The following TMEM41A variants were observed in gnomAD, a reference collection of about 807,000 sequenced individuals.
TMEM41A encodes the protein transmembrane protein 41A.
In TMEM41A, 20 loss-of-function variants were observed where a neutral mutation model predicts 25.7. The ratio of observed to expected loss-of-function variants is 0.78; its 90% confidence interval spans 0.55 to 1.13. The LOEUF (loss-of-function observed/expected upper bound fraction) is 1.13. TMEM41A is among the 50% of genes most tolerant of loss of function. TMEM41A has a pLI of 0.00. For synonymous variants in TMEM41A, 133 were observed against 139.6 expected (o/e 0.95, Z 0.33); for missense variants, 299 against 314.3 (o/e 0.95, Z 0.37).
chr3:185,491,516 G>A lies in TMEM41A; in HGVS notation c.*21C>T, dbSNP rs781756018. The A allele has an allele frequency of 1.3e-6, 2 of 1,596,156 alleles. No individual in the cohort carries two copies. The highest frequency in any genetic ancestry group is 2.2e-5 in the South Asian group (2 of 90,422). On this transcript the variant is annotated 3_prime_UTR_variant, in exon 5 of 5. Coordinates refer to ENST00000421852, the MANE Select transcript of TMEM41A (RefSeq NM_080652.4). Reference sequence around the variant, plus strand: ...CAAATAAGCAACTGAGTCCAGGGATGTGGCAAACAGAAAATCCAGATCATG... The same window carrying A: ...CAAATAAGCAACTGAGTCCAGGGATATGGCAAACAGAAAATCCAGATCATG...
At chr3:185,497,166 C>A (rs1719129008) in intron 1 of TMEM41A, among the ~76,000 whole-genome samples, 185 bp from the exon 2 acceptor site, 1 of 152,180 alleles carries the variant, frequency 6.6e-6, no homozygotes, top group African/African-American at 2.4e-5. Context: ...ACAGGAGAGC[C>A]CTAGTTTGGA....
chr3:185,495,152 A>C lies in TMEM41A; in HGVS notation c.435+2T>G. ...GCTCTCAGATGTGACCCCTCCCCTTACCTTTCTCTGCAGCAGGGCCACTTT... is the reference window on the plus strand; with the variant it reads ...GCTCTCAGATGTGACCCCTCCCCTTCCCTTTCTCTGCAGCAGGGCCACTTT... On this transcript the variant is annotated splice_donor_variant, in intron 3 of 4. Coordinates refer to ENST00000421852, the MANE Select transcript of TMEM41A (RefSeq NM_080652.4). LOFTEE classifies it high-confidence loss of function. 1 of 1,613,268 alleles carries C rather than the reference A, an allele frequency of 6.2e-7. No individual in the cohort carries two copies. Among genetic ancestry groups the C allele is most frequent in the Non-Finnish European group, 8.5e-7 (1 of 1,179,942 alleles).
At chr3:185,495,347 A>C (rs190829408) in intron 2 of TMEM41A, 32 bp from the exon 3 acceptor site, 1 of 1,601,346 alleles carries the variant, frequency 6.2e-7, no homozygotes, top group Admixed American at 1.7e-5. Context: ...AGGCATGTGA[A>C]CATCTGGCAG....
intron 1 of TMEM41A, among the ~76,000 whole-genome samples, chr3:185,497,453 A>C (rs1719135987): frequency 6.6e-6 from 1 of 152,238 alleles, no homozygotes; most frequent in Non-Finnish European, 1.5e-5. Flanking sequence ...CTGAGGTGCC[A>C]AGTAAAACGA....
chr3:185,494,990 T>C, intron 3 of TMEM41A, 164 bp downstream of exon 3: 1 of 974,806 alleles, frequency 1.0e-6, no homozygotes, highest in Non-Finnish European at 1.5e-6. Flanking sequence ...AGCTGGGATT[T>C]GATCCCAGGT....
In TMEM41A at chr3:185,491,510, A is replaced by G; in HGVS notation, c.*27T>C. ...ATTACACAAATAAGCAACTGAGTCCAGGGATGTGGCAAACAGAAAATCCAG... is the reference window on the plus strand; with the variant it reads ...ATTACACAAATAAGCAACTGAGTCCGGGGATGTGGCAAACAGAAAATCCAG... On this transcript the variant is annotated 3_prime_UTR_variant, in exon 5 of 5. Transcript: ENST00000421852. 6.3e-7 allele frequency: 1 copy of G among 1,589,054 alleles called. No individual in the cohort carries two copies. The highest frequency in any genetic ancestry group is 8.6e-7 in the Non-Finnish European group (1 of 1,159,238).
In TMEM41A at chr3:185,496,891, G is replaced by C. The variant is rs1719118473; in HGVS notation, c.210C>G (p.Phe70Leu). 4.4e-6 allele frequency: 7 copies of C among 1,606,426 alleles called. No homozygotes were observed. Among genetic ancestry groups the C allele is most frequent in the Non-Finnish European group, 5.9e-6 (7 of 1,177,516 alleles). Residue 70 changes from phenylalanine to leucine, a missense_variant, in exon 2 of 5, where the codon TTC becomes TTG. Physicochemically the swap from Phe to Leu is conservative, Grantham distance 22. Coordinates refer to ENST00000421852, the MANE Select transcript of TMEM41A (RefSeq NM_080652.4). The part of the protein sequence containing the change: ...EYRKEHQAYV[F>L]LLFCGAYLYK... ...AGAGGTAGGCGCCGCAGAAGAGCAG[G>C]AACACGTAGGCCTGGTGCTCCTTCC...
chr3:185,494,690 C>T lies in TMEM41A; in HGVS notation c.507G>A (p.Trp169Ter), dbSNP rs754789137. 2.5e-6 allele frequency: 4 copies of T among 1,612,534 alleles called. No individual in the cohort carries two copies. The highest frequency in any genetic ancestry group is 1.7e-5 in the Admixed American group (1 of 59,798). ...GAATTGGGGCCGAGAGGTTCAAGAA[C>T]CAGTTTGGTGTCATGGGGAAAAGTC... Reference protein sequence around the residue: ...FLRLFPMTPNWFLNLSAPILN... With the variant: ...FLRLFPMTPN Residue 169 changes from tryptophan to a stop codon, truncating the protein, a stop_gained, in exon 4 of 5, where the codon TGG (tryptophan) becomes TGA (stop). Coordinates refer to ENST00000421852, the MANE Select transcript of TMEM41A (RefSeq NM_080652.4). LOFTEE classifies it high-confidence loss of function.
intron 1 of TMEM41A, chr3:185,498,572 C>G (rs1719180223): frequency 8.3e-6 from 3 of 362,256 alleles, no homozygotes; most frequent in South Asian, 9.9e-5. Flanking sequence ...TCCACCCAAC[C>G]AAAGGCACCG....
intron 1 of TMEM41A, 152 bp from the exon 2 acceptor site, chr3:185,497,133 C>G (rs1299683881): frequency 8.4e-6 from 9 of 1,071,494 alleles, no homozygotes; most frequent in Non-Finnish European, 1.2e-5. Flanking sequence ...GACAGATGAC[C>G]TGATACGACG....
At chr3:185,495,092 C>A (rs771762539) in intron 3 of TMEM41A, 62 bp downstream of exon 3, 186 of 1,585,446 alleles carry the variant, frequency 1.2e-4, no homozygotes, top group Non-Finnish European at 1.5e-4. Context: ...TCGCTTCTCT[C>A]AAGGCCATGC....
intron 4 of TMEM41A, chr3:185,492,167 T>G (rs1249478375): frequency 6.2e-6 from 1 of 160,476 alleles, no homozygotes; most frequent in African/African-American, 2.4e-5. Context: ...CCGGGTGTGG[T>G]GGCATGTGCC....
intron 2 of TMEM41A, 74 bp downstream of exon 2, chr3:185,496,754 C>G: frequency 6.5e-7 from 1 of 1,530,240 alleles, no homozygotes; most frequent in Non-Finnish European, 8.8e-7. Flanking sequence ...ACACAACAAT[C>G]CCATGAGGTT....
At chr3:185,497,197 A>G (rs1173190408) in intron 1 of TMEM41A, among the ~76,000 whole-genome samples, 1 of 152,244 alleles carries the variant, frequency 6.6e-6, no homozygotes, top group Non-Finnish European at 1.5e-5. Flanking sequence ...CTGGGTTAGC[A>G]TCCCAACCCT....
At position 185,491,314 on chromosome 3, in the gene TMEM41A, G is replaced by A. The variant is rs1054612879; in HGVS notation, c.*223C>T. The A allele has an allele frequency of 1.1e-5, 5 of 443,400 alleles. No homozygotes were observed. The highest frequency in any genetic ancestry group is 9.9e-5 in the African/African-American group (5 of 50,298). 27.5% of individuals were successfully genotyped at this position (443,400 alleles called of 1,614,324 possible). On this transcript the variant is annotated 3_prime_UTR_variant, in exon 5 of 5. Coordinates refer to ENST00000421852, the MANE Select transcript of TMEM41A (RefSeq NM_080652.4). ...CCCGGCCACAAACAGCATTTTCTAG[G>A]AGGCATCTGTTGCAGTGTCTGCTAC...
At chr3:185,498,102 T>G (rs1560148890) in intron 1 of TMEM41A, among the ~76,000 whole-genome samples, 1 of 72,218 alleles carries the variant, frequency 1.4e-5, no homozygotes. Context: ...GCGTCCCTAC[T>G]AAAAATACAA....
intron 2 of TMEM41A, chr3:185,496,560 C>T: frequency 2.0e-6 from 1 of 504,292 alleles, no homozygotes; most frequent in Non-Finnish European, 3.6e-6. Flanking sequence ...TAGTTTCCGA[C>T]AAGGAAACTG....
intron 4 of TMEM41A, chr3:185,492,612 A>G (rs1361214543): frequency 1.3e-5 from 2 of 152,262 alleles, no homozygotes; most frequent in Non-Finnish European, 2.9e-5. Flanking sequence ...AGCTGGTGAC[A>G]TTGTTAAAAA....
rs1718950961 is a variant in TMEM41A at position 185,491,512 on chromosome 3, G to A, written c.*25C>T. The A allele has an allele frequency of 6.3e-7, 1 of 1,590,544 alleles. No individual in the cohort carries two copies. Among genetic ancestry groups the A allele is most frequent in the Admixed American group, 1.7e-5 (1 of 59,964 alleles). On this transcript the variant is annotated 3_prime_UTR_variant, in exon 5 of 5. Transcript: ENST00000421852. ...TACACAAATAAGCAACTGAGTCCAG[G>A]GATGTGGCAAACAGAAAATCCAGAT...
Sources: allele counts gnomAD v4.1 joint callset (sites outside exome capture counted in the v4.1 genomes callset), GRCh38; gene constraint gnomAD v4.1.1; transcripts MANE v1.5; gene names NCBI Gene and HGNC (gene_info 2026-07-23, HGNC 2026-07-21).